CYP3A43: variants seen among roughly 807,000 people sequenced by gnomAD.
CYP3A43 encodes the protein cytochrome P450 family 3 subfamily A member 43.
In CYP3A43, 45 loss-of-function variants were observed where a neutral mutation model predicts 58.0. The ratio of observed to expected loss-of-function variants is 0.78; its 90% confidence interval spans 0.61 to 0.99. The LOEUF is 0.99. CYP3A43 is among the 50% of genes least tolerant of loss of function. CYP3A43 has a pLI of 0.00. For synonymous variants in CYP3A43, 191 were observed against 201.4 expected (o/e 0.95, Z 0.44); for missense variants, 593 against 591.9 (o/e 1.00, Z -0.02).
intron 7 of CYP3A43, among the ~76,000 whole-genome samples, chr7:99,851,606 T>A (rs1157483774): frequency 6.6e-6 from 1 of 152,220 alleles, no homozygotes; most frequent in Non-Finnish European, 1.5e-5. Flanking sequence ...GTTCAAGTCT[T>A]TTGCCCATAT....
chr7:99,848,773 A>G (rs1358333455), intron 6 of CYP3A43, among the ~76,000 whole-genome samples: 2 of 152,228 alleles, frequency 1.3e-5, no homozygotes, highest in Non-Finnish European at 2.9e-5. Context: ...AAGACTCTGT[A>G]AAGGCTATAG....
At position 99,849,681 on chromosome 7, in the gene CYP3A43, T is replaced by C; in HGVS notation, c.657T>C (p.Phe219=). 6.2e-7 allele frequency: 1 copy of C among 1,606,538 alleles called. No homozygotes were observed. Among genetic ancestry groups the C allele is most frequent in the Non-Finnish European group, 8.5e-7 (1 of 1,177,670 alleles). The part of the protein sequence containing the change: ...KLLKLDFLDP[F]LLLISLFPFL... Reference sequence around the variant, plus strand: ...TAAAATTGGATTTTTTGGATCCCTTTTTACTCTTAATATGTATGTGGACTT... The same window carrying C: ...TAAAATTGGATTTTTTGGATCCCTTCTTACTCTTAATATGTATGTGGACTT... The change falls in exon 7 of 13, where the codon TTT becomes TTC. Residue 219 remains phenylalanine (F), a synonymous_variant. Transcript: ENST00000354829.
Position 99,839,184 on chromosome 7 carries a change from G to A in CYP3A43, c.218+12G>A, listed in dbSNP as rs1299893609. 1 of 1,614,088 alleles carries A rather than the reference G, an allele frequency of 6.2e-7. No homozygotes were observed. The highest frequency in any genetic ancestry group is 1.7e-5 in the Admixed American group (1 of 60,018). ...GGAGAAATGTGGGGGTGAGTATTCT[G>A]GAAACTTGCATTGGATAGAGCTGTT... is the stretch of plus-strand genomic sequence containing the variant. On this transcript the variant is annotated intron_variant, in intron 3 of 12. Coordinates refer to ENST00000354829, the MANE Select transcript of CYP3A43 (RefSeq NM_057095.3).
At chr7:99,860,154 G>A (rs1277089827) in intron 10 of CYP3A43, among the ~76,000 whole-genome samples, 164 bp downstream of exon 10, 1 of 152,228 alleles carries the variant, frequency 6.6e-6, no homozygotes, top group Non-Finnish European at 1.5e-5. Flanking sequence ...GAGAATCGTA[G>A]GTAGTGGATG....
chr7:99,849,939 T>G, intron 7 of CYP3A43: 1 of 553,434 alleles, frequency 1.8e-6, no homozygotes, highest in Non-Finnish European at 3.3e-6. Context: ...ATCATCCCCT[T>G]CCAATCTTCC....
intron 2 of CYP3A43, chr7:99,838,893 G>A: frequency 1.7e-6 from 1 of 580,202 alleles, no homozygotes; most frequent in Non-Finnish European, 2.9e-6. Flanking sequence ...GGCAGGAGAA[G>A]AGCTTGAACC....
intron 7 of CYP3A43, among the ~76,000 whole-genome samples, chr7:99,854,323 C>T (rs1817889884): frequency 6.6e-6 from 1 of 151,292 alleles, no homozygotes; most frequent in South Asian, 2.1e-4. Flanking sequence ...TCTCCTTTCT[C>T]ACCCTCCTGA....
chr7:99,851,108 T>A lies in CYP3A43; in HGVS notation c.670+1414T>A, dbSNP rs144074929. On this transcript the variant is annotated intron_variant, in intron 7 of 12. Coordinates refer to ENST00000354829, the MANE Select transcript of CYP3A43 (RefSeq NM_057095.3). ...TGGAACCCAGAGGTGGAGGTTACAGTGAGCTGAGATCGCACCACTGCACTC... is the reference window on the plus strand; with the variant it reads ...TGGAACCCAGAGGTGGAGGTTACAGAGAGCTGAGATCGCACCACTGCACTC... Among the ~76,000 whole-genome samples the A allele has an allele frequency of 1.2e-4, 18 of 151,744 alleles. No individual in the cohort carries two copies. In the East Asian group the frequency reaches 3.5e-3, roughly 29 times the overall value.
chr7:99,862,042 T>C (rs1818259219), intron 11 of CYP3A43, among the ~76,000 whole-genome samples: 1 of 149,770 alleles, frequency 6.7e-6, no homozygotes. Context: ...GTAATGCCTG[T>C]CTTGTAGGCA....
At chr7:99,839,005 A>G (rs1563061199) in intron 2 of CYP3A43, 115 bp from the exon 3 acceptor site, 1 of 1,222,620 alleles carries the variant, frequency 8.2e-7, no homozygotes, top group Non-Finnish European at 1.2e-6. Flanking sequence ...CTGCCAGTAA[A>G]TGGTAGCAAG....
intron 10 of CYP3A43, among the ~76,000 whole-genome samples, chr7:99,860,874 C>T (rs1233154053): frequency 7.1e-6 from 1 of 141,560 alleles, no homozygotes; most frequent in African/African-American, 3.2e-5. Flanking sequence ...CATAGTGTTA[C>T]TCTCCACATT....
Position 99,863,489 on chromosome 7 carries a change from A to G in CYP3A43, c.1254-48A>G, listed in dbSNP as rs1259350576. ...ACCCTGCATAACGTGTAGTTTTAAT[A>G]GTTTTTATGTTTCATTAACTAGTTT... On this transcript the variant is annotated intron_variant, in intron 11 of 12. Coordinates refer to ENST00000354829, the MANE Select transcript of CYP3A43 (RefSeq NM_057095.3). 2.7e-6 allele frequency: 4 copies of G among 1,501,670 alleles called. No individual in the cohort carries two copies. In the African/African-American group the frequency reaches 4.2e-5, roughly 16 times the overall value. 93.0% of individuals were successfully genotyped at this position (1,501,670 alleles called of 1,614,324 possible).
chr7:99,856,929 G>A (rs755887936), intron 9 of CYP3A43, 30 bp downstream of exon 9: 4 of 1,601,756 alleles, frequency 2.5e-6, no homozygotes, highest in South Asian at 1.1e-5. Context: ...GGGGGCTACT[G>A]ATGGGGACAC....
chr7:99,848,122 G>T (rs767027924), intron 5 of CYP3A43, 44 bp from the exon 6 acceptor site: 6 of 1,590,794 alleles, frequency 3.8e-6, no homozygotes, highest in South Asian at 1.1e-5. Flanking sequence ...GTCCTTCTGA[G>T]ACTCGAGTCT....
intron 8 of CYP3A43, among the ~76,000 whole-genome samples, chr7:99,856,013 T>C (rs1817965218): frequency 6.6e-6 from 1 of 152,218 alleles, no homozygotes; most frequent in African/African-American, 2.4e-5. Flanking sequence ...GTCAATAAAT[T>C]TGACTGTATA....
intron 5 of CYP3A43, 34 bp from the exon 6 acceptor site, chr7:99,848,131 CT>C (rs1563065988): frequency 6.2e-7 from 1 of 1,603,378 alleles, no homozygotes; most frequent in South Asian, 1.1e-5. Flanking sequence ...AGACTCGAGT[CT>C]GCGTAGTTAA....
chr7:99,835,014 C>A (rs1563059095), intron 1 of CYP3A43, among the ~76,000 whole-genome samples: 1 of 152,120 alleles, frequency 6.6e-6, no homozygotes, highest in Non-Finnish European at 1.5e-5. Context: ...GAAGCTCGGG[C>A]ACCGGCTGAT....
intron 3 of CYP3A43, among the ~76,000 whole-genome samples, chr7:99,842,219 T>C (rs953091433): frequency 3.9e-5 from 6 of 152,200 alleles, no homozygotes; most frequent in African/African-American, 1.4e-4. Context: ...TCCCTAGCTA[T>C]ATAAAAAAGT....
rs1468497881 is a variant in CYP3A43, at chr7:99,855,588, T to A, written c.671-3T>A. ...TTTCTTTTTCTATTTAATTTTCCTA[T>A]AGCACTCTTTCCATTTCTTACCCCA... On this transcript the variant is annotated splice_region_variant and splice_polypyrimidine_tract_variant and intron_variant, in intron 7 of 12. Coordinates refer to ENST00000354829, the MANE Select transcript of CYP3A43 (RefSeq NM_057095.3). 1 of 1,601,842 alleles carries A rather than the reference T, an allele frequency of 6.2e-7. No homozygotes were observed. The highest frequency in any genetic ancestry group is 1.3e-5 in the African/African-American group (1 of 74,196).
Sources: gnomAD v4.1 joint callset for allele counts (sites outside exome capture counted in the v4.1 genomes callset) on GRCh38, gnomAD v4.1.1 for gene constraint, MANE v1.5 for transcripts, NCBI Gene and HGNC (gene_info 2026-07-23, HGNC 2026-07-21) for gene names.